GLDC: variants seen among roughly 807,000 people sequenced by gnomAD.
GLDC encodes the protein glycine dehydrogenase (decarboxylating), mitochondrial.
GLDC carries 104 observed loss-of-function variants against 121.3 expected under a neutral mutation model. The observed-to-expected ratio is 0.86, with a 90% confidence interval of 0.73 to 1.01. The LOEUF is 1.01. GLDC is among the 50% of genes least tolerant of loss of function. The pLI is 0.00. For synonymous variants in GLDC, 546 were observed against 480.6 expected (o/e 1.14, Z -1.78); for missense variants, 1,429 against 1,306.6 (o/e 1.09, Z -1.44).
intron 8 of GLDC, among the ~76,000 whole-genome samples, chr9:6,597,843 G>A (rs1220074301): frequency 1.3e-5 from 2 of 152,092 alleles, no homozygotes; most frequent in African/African-American, 4.8e-5. Context: ...GGCTGAGGCA[G>A]GAGAATGGCG....
At chr9:6,639,668 A>AAAAAATAT in intron 2 of GLDC, 6 of 250,590 alleles carry the variant, frequency 2.4e-5, no homozygotes, top group Non-Finnish European at 3.2e-5. Flanking sequence ...ATAAAAAAAA[A>AAAAAATAT]GTATATATAT....
intron 16 of GLDC, among the ~76,000 whole-genome samples, chr9:6,563,882 C>A (rs529870733): frequency 5.9e-5 from 9 of 152,054 alleles, no homozygotes; most frequent in African/African-American, 2.2e-4. Context: ...TGCCTGTAAT[C>A]CTGGTCTCCC....
intron 2 of GLDC, among the ~76,000 whole-genome samples, chr9:6,629,958 T>TATGTGTGTATA: frequency 2.5e-5 from 2 of 78,652 alleles, no homozygotes; most frequent in African/African-American, 1.2e-4. Context: ...TATATATATA[T>TATGTGTGTATA]TTTTTTTTTT....
In GLDC at chr9:6,553,355, T is replaced by A; in HGVS notation, c.2457+13A>T. The A allele has an allele frequency of 6.2e-7, 1 of 1,613,448 alleles. No homozygotes were observed. On this transcript the variant is annotated intron_variant, in intron 20 of 24. Transcript: ENST00000321612. The stretch of plus-strand genomic sequence containing the variant: ...CACCCACCTGCACACCTGCACATAC[T>A]CCCAGGCCTCACCTTGATATAAGCC...
chr9:6,626,714 C>T (rs1215324518), intron 2 of GLDC, among the ~76,000 whole-genome samples: 7 of 152,172 alleles, frequency 4.6e-5, no homozygotes, highest in Admixed American at 2.6e-4. Context: ...CATACCTCTC[C>T]GCACAGGTGT....
At chr9:6,617,940 C>A (rs181757582) in intron 3 of GLDC, among the ~76,000 whole-genome samples, 1 of 152,272 alleles carries the variant, frequency 6.6e-6, no homozygotes, top group East Asian at 1.9e-4. Context: ...TTGGTTTTTA[C>A]ATATGTTAAT....
In GLDC at chr9:6,620,271, T is replaced by G; in HGVS notation, c.383A>C (p.Gln128Pro). 6.2e-7 allele frequency: 1 copy of G among 1,613,624 alleles called. No homozygotes were observed. The highest frequency in any genetic ancestry group is 8.5e-7 in the Non-Finnish European group (1 of 1,179,486). Residue 128 changes from glutamine (Q) to proline (P), a missense_variant, in exon 3 of 25, where the codon CAG becomes CCG. By Grantham distance (76) the Gln-to-Pro change is moderately conservative. Coordinates refer to ENST00000321612, the MANE Select transcript of GLDC (RefSeq NM_000170.3). ...CATGCCAATATACGATCTCCAGATCTGGTTTTTGCTTGAAATGGCATGCAG... is the reference window on the plus strand; with the variant it reads ...CATGCCAATATACGATCTCCAGATCGGGTTTTTGCTTGAAATGGCATGCAG... ...ATLHAISSKN[Q>P]IWRSYIGMGY...
chr9:6,604,047 T>C (rs1316902329), intron 7 of GLDC, among the ~76,000 whole-genome samples: 1 of 147,196 alleles, frequency 6.8e-6, no homozygotes, highest in Non-Finnish European at 1.5e-5. Context: ...TTTTCTTTTC[T>C]TTTTTTTTTA....
At chr9:6,628,794 G>A (rs1468837499) in intron 2 of GLDC, among the ~76,000 whole-genome samples, 1 of 152,196 alleles carries the variant, frequency 6.6e-6, no homozygotes, top group Non-Finnish European at 1.5e-5. Flanking sequence ...CTTGCCTACA[G>A]CTATGCAGGG....
chr9:6,629,132 G>A (rs1323535628), intron 2 of GLDC, among the ~76,000 whole-genome samples: 6 of 151,670 alleles, frequency 4.0e-5, no homozygotes, highest in Admixed American at 2.6e-4. Flanking sequence ...CTTTGCCACT[G>A]CGCCTAAAAT....
chr9:6,549,648 G>T (rs1225114065), intron 21 of GLDC, among the ~76,000 whole-genome samples: 1 of 152,128 alleles, frequency 6.6e-6, no homozygotes, highest in Non-Finnish European at 1.5e-5. Flanking sequence ...ACAGCCCAAT[G>T]TGTAAAAGGA....
intron 21 of GLDC, 153 bp from the exon 22 acceptor site, chr9:6,540,299 G>T: frequency 1.5e-6 from 1 of 666,726 alleles, no homozygotes; most frequent in South Asian, 1.7e-5. Flanking sequence ...TTTATTATTG[G>T]CAATAAAGGT....
chr9:6,539,750 C>T (rs990790662), intron 22 of GLDC, among the ~76,000 whole-genome samples: 3 of 152,220 alleles, frequency 2.0e-5, no homozygotes, highest in Non-Finnish European at 4.4e-5. Flanking sequence ...CGATGGGTTA[C>T]TTGCTCTGTC....
chr9:6,556,318 G>A lies in GLDC; in HGVS notation c.2053-16C>T. On this transcript the variant is annotated splice_polypyrimidine_tract_variant and intron_variant, in intron 17 of 24. Coordinates refer to ENST00000321612, the MANE Select transcript of GLDC (RefSeq NM_000170.3). Reference sequence around the variant, plus strand: ...GCTTATCCACCTGTGAAAGAAAAGGGGTAGAGAAGGACATGGAGGGAGGAT... The same window carrying A: ...GCTTATCCACCTGTGAAAGAAAAGGAGTAGAGAAGGACATGGAGGGAGGAT... The A allele has an allele frequency of 8.1e-6, 13 of 1,609,334 alleles. No individual in the cohort carries two copies. Among genetic ancestry groups the A allele is most frequent in the Non-Finnish European group, 1.1e-5 (13 of 1,175,630 alleles).
chr9:6,631,239 G>A (rs985270511), intron 2 of GLDC, among the ~76,000 whole-genome samples: 5 of 152,072 alleles, frequency 3.3e-5, no homozygotes, highest in African/African-American at 4.8e-5. Flanking sequence ...AGGGGTTACC[G>A]CTCTCCTCAG....
chr9:6,639,263 G>T (rs1007673042), intron 2 of GLDC: 1 of 903,210 alleles, frequency 1.1e-6, no homozygotes, highest in East Asian at 2.4e-5. Flanking sequence ...AAGAAGATCC[G>T]CACATCACCC....
At chr9:6,566,490 A>G (rs189835328) in intron 15 of GLDC, 7 of 152,328 alleles carry the variant, frequency 4.6e-5, no homozygotes, top group Admixed American at 3.9e-4. Flanking sequence ...ATGTGACACC[A>G]TTCCTGGCAG....
chr9:6,568,565 A>G (rs1817894229), intron 15 of GLDC, among the ~76,000 whole-genome samples: 1 of 152,180 alleles, frequency 6.6e-6, no homozygotes, highest in Admixed American at 6.5e-5. Flanking sequence ...AAGGCCCTCC[A>G]TGCCGGGCGT....
chr9:6,564,891 T>C (rs1817824754), intron 16 of GLDC, among the ~76,000 whole-genome samples: 2 of 152,212 alleles, frequency 1.3e-5, no homozygotes, highest in Non-Finnish European at 2.9e-5. Flanking sequence ...TTGAGAATCA[T>C]CTAATGGAGA....
Sources: allele counts gnomAD v4.1 joint callset (sites outside exome capture counted in the v4.1 genomes callset), GRCh38; gene constraint gnomAD v4.1.1; transcripts MANE v1.5; gene names NCBI Gene and HGNC (gene_info 2026-07-23, HGNC 2026-07-21).